ACP7: variants seen among roughly 807,000 people sequenced by gnomAD.
The protein encoded by ACP7 is acid phosphatase type 7.
In ACP7, 58 loss-of-function variants were observed where a neutral mutation model predicts 60.6. The ratio of observed to expected loss-of-function variants is 0.96; its 90% confidence interval spans 0.77 to 1.19. The LOEUF is 1.19. Ranked by LOEUF, ACP7 falls within the 50% of genes most tolerant of loss-of-function variation. ACP7 has a pLI of 0.00. For synonymous variants in ACP7, 237 were observed against 232.6 expected, an observed-to-expected ratio of 1.02 and a Z score of -0.17; for missense variants, 574 against 596.2, an observed-to-expected ratio of 0.96 and a Z score of 0.39.
In ACP7 at chr19:39,110,171, T is replaced by C; in HGVS notation, c.*53T>C. On this transcript the variant is annotated 3_prime_UTR_variant, in exon 13 of 13. Coordinates refer to ENST00000331256, the MANE Select transcript of ACP7 (RefSeq NM_001004318.3). ...CTAGGTTTTGCCGCCTTGGCTGCTG[T>C]GACCAGAAACTGCCCAGGCCTGGGT... The C allele has an allele frequency of 1.3e-6, 2 of 1,553,148 alleles. No individual in the cohort carries two copies. The highest frequency in any genetic ancestry group is 1.7e-5 in the Admixed American group (1 of 58,994).
Position 39,100,843 on chromosome 19 carries a change from G to A in ACP7, c.797G>A (p.Ser266Asn), listed in dbSNP as rs1486541722. ...CAGAGGCAGTTTCGCTGGCTGGAGAGCGACCTCCAGGTAACCTGGGTGGAG... is the reference window on the plus strand; with the variant it reads ...CAGAGGCAGTTTCGCTGGCTGGAGAACGACCTCCAGGTAACCTGGGTGGAG... ...LVQRQFRWLE[S>N]DLQKANKNRA... The change falls in exon 7 of 13, where the codon AGC becomes AAC. Residue 266 changes from serine to asparagine, a missense_variant. Transcript: ENST00000331256. 1.2e-6 allele frequency: 2 copies of A among 1,613,592 alleles called. No individual in the cohort carries two copies. The highest frequency in any genetic ancestry group is 2.2e-5 in the East Asian group (1 of 44,862).
At chr19:39,107,615 G>A (rs977541209) in intron 12 of ACP7, among the ~76,000 whole-genome samples, 1 of 149,906 alleles carries the variant, frequency 6.7e-6, no homozygotes, top group African/African-American at 2.4e-5. Context: ...GCCAGGTGCG[G>A]TGGTTCATAC....
At chr19:39,101,628 T>A in intron 11 of ACP7, 91 bp downstream of exon 11, 1 of 1,363,586 alleles carries the variant, frequency 7.3e-7, no homozygotes, top group East Asian at 2.5e-5. Context: ...GGGTGCTTTA[T>A]ATAGTGGATA....
intron 2 of ACP7, among the ~76,000 whole-genome samples, chr19:39,088,886 C>T (rs2073173603): frequency 6.6e-6 from 1 of 151,942 alleles, no homozygotes; most frequent in African/African-American, 2.4e-5. Context: ...GCTGGGACTA[C>T]CAGCGCGCAT....
In ACP7 at chr19:39,085,347, G is replaced by A. The variant is rs544041; in HGVS notation, c.78G>A (p.Gly26=). 39,523 of 1,613,300 alleles carry A rather than the reference G, an allele frequency of 0.024. 7,596 individuals are homozygous for A. In the African/African-American group the frequency reaches 0.44, roughly 18 times the overall value. Residue 26 remains glycine, a synonymous_variant, in exon 2 of 13, where the codon GGG becomes GGA. Transcript: ENST00000331256. ...LFSLGVQGSL[G]APSAAPEQVH... is the part of the protein sequence containing the mutation. ...CCTTGGGAGTCCAGGGGTCCCTGGG[G>A]GCTCCCAGCGCTGCCCCAGAGCAAG... is the stretch of plus-strand genomic sequence containing the variant.
At chr19:39,102,424 T>A (rs1189679770) in intron 11 of ACP7, among the ~76,000 whole-genome samples, 3 of 151,702 alleles carry the variant, frequency 2.0e-5, no homozygotes, top group African/African-American at 7.3e-5. Flanking sequence ...TTGCCCAGGC[T>A]GGAGTTCAGT....
intron 2 of ACP7, among the ~76,000 whole-genome samples, chr19:39,087,779 A>G (rs527679368): frequency 3.2e-4 from 49 of 152,046 alleles, no homozygotes; most frequent in South Asian, 8.3e-4. Flanking sequence ...GATTACAGGC[A>G]TGCACCACCA....
chr19:39,098,378 C>T (rs1048441573), intron 2 of ACP7, 80 bp from the exon 3 acceptor site: 12 of 1,136,018 alleles, frequency 1.1e-5, no homozygotes, highest in African/African-American at 9.6e-5. Flanking sequence ...CAGTGGTCAA[C>T]GCCCCTCACT....
Position 39,110,178 on chromosome 19 carries a change from A to G in ACP7, c.*60A>G. ...TTGCCGCCTTGGCTGCTGTGACCAG[A>G]AACTGCCCAGGCCTGGGTGGGGAGT... On this transcript the variant is annotated 3_prime_UTR_variant, in exon 13 of 13. Coordinates refer to ENST00000331256, the MANE Select transcript of ACP7 (RefSeq NM_001004318.3). 4 of 1,523,818 alleles carry G rather than the reference A, an allele frequency of 2.6e-6. No homozygotes were observed. Among genetic ancestry groups the G allele is most frequent in the Non-Finnish European group, 3.6e-6 (4 of 1,101,176 alleles). The allele number at this position is 1,523,818 out of a possible 1,614,324, so 94.4% of individuals were successfully genotyped here.
chr19:39,088,271 C>T (rs1256393093), intron 2 of ACP7, among the ~76,000 whole-genome samples: 3 of 152,182 alleles, frequency 2.0e-5, no homozygotes, highest in Non-Finnish European at 2.9e-5. Flanking sequence ...GATCCTCCCA[C>T]CTCAGCACCC....
chr19:39,109,318 C>A (rs1373054461), intron 12 of ACP7, among the ~76,000 whole-genome samples: 2 of 152,114 alleles, frequency 1.3e-5, no homozygotes, highest in Non-Finnish European at 2.9e-5. Context: ...TGTGCATGAT[C>A]TCACTCTGTT....
In ACP7 at chr19:39,101,057, G is replaced by GT; in HGVS notation, c.915+2dup. 6.2e-7 allele frequency: 1 copy of GT among 1,613,986 alleles called. No individual in the cohort carries two copies. The highest frequency in any genetic ancestry group is 1.1e-5 in the South Asian group (1 of 91,084). ...CGACTGCACACGACATGAAAGCAAG[G>GT]TGAGGTCCCTCCCTGGGAGACAGTG... is the stretch of plus-strand genomic sequence containing the variant. On this transcript the variant is annotated splice_donor_variant, in intron 8 of 12. Coordinates refer to ENST00000331256, the MANE Select transcript of ACP7 (RefSeq NM_001004318.3). LOFTEE classifies it high-confidence loss of function.
At position 39,110,537 on chromosome 19, in the gene ACP7, C is replaced by A; in HGVS notation, c.*419C>A. Reference sequence around the variant, plus strand: ...AAGGGCATCGCCAGGTGGGCACAACCGTCATGACACTACTCACCAGCAGGT... The same window carrying A: ...AAGGGCATCGCCAGGTGGGCACAACAGTCATGACACTACTCACCAGCAGGT... On this transcript the variant is annotated 3_prime_UTR_variant, in exon 13 of 13. Coordinates refer to ENST00000331256, the MANE Select transcript of ACP7 (RefSeq NM_001004318.3). The A allele has an allele frequency of 6.0e-6, 1 of 165,308 alleles. No homozygotes were observed. Among genetic ancestry groups the A allele is most frequent in the African/African-American group, 2.4e-5 (1 of 41,854 alleles). The allele number at this position is 165,308 out of a possible 1,614,324, so 10.2% of individuals were successfully genotyped here.
rs1491257250 is a variant in ACP7 at position 39,093,104 on chromosome 19, TTC to T, written c.122-5352_122-5351del. 9.0e-4 allele frequency among the ~76,000 whole-genome samples: 123 copies of T among 136,134 alleles called. 1 individual carries two copies. Among genetic ancestry groups the T allele is most frequent in the African/African-American group, 3.1e-3 (108 of 34,626 alleles). 89.3% of individuals were successfully genotyped at this position (136,134 alleles called of 152,430 possible). ...CCGTTTCTTTCTTTTCTTTCTTTTT[TTC>T]TTTTTCTTTCTTTCTTTCTTTCCTT... On this transcript the variant is annotated intron_variant, in intron 2 of 12. Coordinates refer to ENST00000331256, the MANE Select transcript of ACP7 (RefSeq NM_001004318.3).
intron 12 of ACP7, among the ~76,000 whole-genome samples, chr19:39,109,739 G>A (rs1309864011): frequency 6.7e-6 from 1 of 150,030 alleles, no homozygotes; most frequent in East Asian, 2.0e-4. Flanking sequence ...GGATGTGCTG[G>A]AATATAAAGC....
Position 39,103,441 on chromosome 19 carries a change from G to GTGTTTTTTTTTTT in ACP7, c.1113+1905_1113+1906insGTTTTTTTTTTTT, listed in dbSNP as rs1230916229. 3.4e-4 allele frequency among the ~76,000 whole-genome samples: 22 copies of GTGTTTTTTTTTTT among 64,718 alleles called. 6 individuals carry two copies. Among genetic ancestry groups the GTGTTTTTTTTTTT allele is most frequent in the Non-Finnish European group, 4.6e-4 (17 of 37,224 alleles). The allele number at this position is 64,718 out of a possible 152,430, so 42.5% of individuals were successfully genotyped here. A position where few individuals can be genotyped will look rare whatever the true frequency, so the allele number is the denominator to read the frequency against. On this transcript the variant is annotated intron_variant, in intron 11 of 12. Transcript: ENST00000331256. ...TCAAAACATTCCAGGATCATCATGT[G>GTGTTTTTTTTTTT]TTTTTTTTTTTTTTTTTTTTTTTTT...
chr19:39,093,099 T>TTTCC (rs147467281), intron 2 of ACP7, among the ~76,000 whole-genome samples: 23,264 of 145,464 alleles, frequency 0.16, 2,222 homozygotes, highest in East Asian at 0.28. Flanking sequence ...CTTTTCTTTC[T>TTTCC]TTTTTTCTTT....
intron 7 of ACP7, 46 bp downstream of exon 7, chr19:39,100,899 C>T (rs1244066905): frequency 6.2e-7 from 1 of 1,600,556 alleles, no homozygotes; most frequent in East Asian, 2.2e-5. Flanking sequence ...AGCCCCACCT[C>T]CCCCTCCACC....
rs766788180 is a variant in ACP7 at position 39,107,004 on chromosome 19, C to G, written c.1171C>G (p.Arg391Gly). The G allele has an allele frequency of 6.2e-7, 1 of 1,614,064 alleles. No homozygotes were observed. The highest frequency in any genetic ancestry group is 1.1e-5 in the South Asian group (1 of 91,078). The change falls in exon 12 of 13, where the codon CGT becomes GGT. Residue 391 changes from arginine (R) to glycine (G), a missense_variant. Coordinates refer to ENST00000331256, the MANE Select transcript of ACP7 (RefSeq NM_001004318.3). ...CTTCCCGAGGCCCTGGAGTGCCGTGCGTGTGAAGGAGTACGGGTATACGCG... is the reference window on the plus strand; with the variant it reads ...CTTCCCGAGGCCCTGGAGTGCCGTGGGTGTGAAGGAGTACGGGTATACGCG... The part of the protein sequence containing the change: ...AVFPRPWSAV[R>G]VKEYGYTRLH...
Sources: gnomAD v4.1 joint callset for allele counts (sites outside exome capture counted in the v4.1 genomes callset) on GRCh38, gnomAD v4.1.1 for gene constraint, MANE v1.5 for transcripts, NCBI Gene and HGNC (gene_info 2026-07-23, HGNC 2026-07-21) for gene names.